Variants in SPON1 observed in about 807,000 individuals in gnomAD.
SPON1 encodes the protein spondin 1.
Under a neutral mutation model 111.7 loss-of-function variants are expected in SPON1, and 52 were observed. That is an observed-to-expected ratio of 0.47 (90% CI 0.37 to 0.59). The LOEUF (loss-of-function observed/expected upper bound fraction) is 0.59, where lower values mean the gene tolerates loss of function less well. Ranked by LOEUF, SPON1 falls within the 20% of genes least tolerant of loss-of-function variation. The pLI, the probability that SPON1 is intolerant of heterozygous loss-of-function variation, is 0.00. For missense variants in SPON1, 957 were observed against 1,068.5 expected, an observed-to-expected ratio of 0.90 and a Z score of 1.46; for synonymous variants, 410 against 395.8, an observed-to-expected ratio of 1.04 and a Z score of -0.43.
intron 2 of SPON1, among the ~76,000 whole-genome samples, chr11:13,983,749 A>G (rs1848161875): frequency 1.3e-5 from 2 of 152,172 alleles, no homozygotes; most frequent in Admixed American, 1.3e-4. Flanking sequence ...ATTTGCTGTA[A>G]TTACTTCTCA....
At chr11:14,201,376 C>T (rs1379970093) in intron 6 of SPON1, among the ~76,000 whole-genome samples, 7 of 151,778 alleles carry the variant, frequency 4.6e-5, no homozygotes, top group Admixed American at 3.3e-4. Flanking sequence ...AAAAAACTAC[C>T]AACTTCATAG....
chr11:14,260,753 G>A lies in SPON1; in HGVS notation c.1996+1G>A, dbSNP rs782554437. The A allele has an allele frequency of 8.7e-6, 14 of 1,612,606 alleles. No homozygotes were observed. The highest frequency in any genetic ancestry group is 6.7e-5 in the Admixed American group (4 of 59,936). The stretch of plus-strand genomic sequence containing the variant: ...GAGAAGTGCATGCTCCCTGAATGCC[G>A]TAAGTCCTGGAGCTCCTCAAGGCCC... On this transcript the variant is annotated splice_donor_variant, in intron 14 of 15. Coordinates refer to ENST00000576479, the MANE Select transcript of SPON1 (RefSeq NM_006108.4). LOFTEE classifies it high-confidence loss of function.
At chr11:14,073,976 T>A (rs958865598) in intron 3 of SPON1, among the ~76,000 whole-genome samples, 1 of 152,172 alleles carries the variant, frequency 6.6e-6, no homozygotes, top group Non-Finnish European at 1.5e-5. Context: ...AGCCTGCCCC[T>A]TCCCCTCCAC....
chr11:14,129,175 T>G (rs1309184916), intron 5 of SPON1, among the ~76,000 whole-genome samples: 1 of 143,072 alleles, frequency 7.0e-6, no homozygotes, highest in African/African-American at 2.9e-5. Flanking sequence ...CCAGAAAATG[T>G]TTTTTTTTTC....
intron 2 of SPON1, among the ~76,000 whole-genome samples, chr11:14,025,942 C>G (rs1026769104): frequency 2.0e-5 from 3 of 152,174 alleles, no homozygotes; most frequent in Non-Finnish European, 2.9e-5. Flanking sequence ...CACTCCCTTC[C>G]TGTTATGTTC....
intron 2 of SPON1, among the ~76,000 whole-genome samples, chr11:14,040,892 G>A (rs1246197281): frequency 1.3e-5 from 2 of 152,062 alleles, no homozygotes; most frequent in African/African-American, 4.8e-5. Context: ...ACCACAGGAG[G>A]CCCAGAAGCA....
intron 5 of SPON1, among the ~76,000 whole-genome samples, chr11:14,091,801 TC>T (rs1554923428): frequency 1.3e-5 from 2 of 152,160 alleles, no homozygotes; most frequent in Non-Finnish European, 2.9e-5. Context: ...GCTGAAGGGC[TC>T]CTCAAATGCC....
At position 14,259,981 on chromosome 11, in the gene SPON1, G is replaced by C. The variant is rs1362981739; in HGVS notation, c.1831+280G>C. Among the ~76,000 whole-genome samples the C allele has an allele frequency of 6.6e-6, 1 of 152,172 alleles. No individual in the cohort carries two copies. The highest frequency in any genetic ancestry group is 1.5e-5 in the Non-Finnish European group (1 of 68,028). On this transcript the variant is annotated intron_variant, in intron 13 of 15. Transcript: ENST00000576479. This position sits in a 1 kb window ranked among gnomAD's most constrained non-coding sequence, Gnocchi z 5.0. ...AATTCACCTGCAGCTGTGTTTTATAGGAGTGTCTTTCTTGCAGTGGTGGGG... is the reference window on the plus strand; with the variant it reads ...AATTCACCTGCAGCTGTGTTTTATACGAGTGTCTTTCTTGCAGTGGTGGGG...
chr11:14,162,373 C>T (rs1304261532), intron 6 of SPON1, among the ~76,000 whole-genome samples: 1 of 152,040 alleles, frequency 6.6e-6, no homozygotes, highest in African/African-American at 2.4e-5. Context: ...TGTGTTAAAG[C>T]AGGGAATTTA....
chr11:13,992,995 A>T (rs1848243158), intron 2 of SPON1, among the ~76,000 whole-genome samples: 1 of 152,050 alleles, frequency 6.6e-6, no homozygotes, highest in African/African-American at 2.4e-5. Flanking sequence ...AGCTGTTCCT[A>T]TTCAGCCATC....
Position 14,259,520 on chromosome 11 carries a change from G to A in SPON1, c.1664-14G>A, listed in dbSNP as rs1365145437. The A allele has an allele frequency of 3.9e-6, 6 of 1,558,256 alleles. No homozygotes were observed. The highest frequency in any genetic ancestry group is 1.7e-4 in the Middle Eastern group (1 of 6,006). Reference sequence around the variant, plus strand: ...AGGCAGCAGGTGCGACTCCAATGCCGCTGGCCTCCCCAGCTCCCAGCAGCT... The same window carrying A: ...AGGCAGCAGGTGCGACTCCAATGCCACTGGCCTCCCCAGCTCCCAGCAGCT... On this transcript the variant is annotated splice_polypyrimidine_tract_variant and intron_variant, in intron 12 of 15. Transcript: ENST00000576479. The surrounding 1 kb of genome is among the most constrained non-coding windows in gnomAD (Gnocchi z 5.0).
At chr11:14,091,232 T>G (rs1849053094) in intron 5 of SPON1, among the ~76,000 whole-genome samples, 1 of 152,188 alleles carries the variant, frequency 6.6e-6, no homozygotes. Flanking sequence ...ACTCTCCACG[T>G]CCCCACCAGA....
chr11:14,032,231 A>T (rs1419093295), intron 2 of SPON1, among the ~76,000 whole-genome samples: 1 of 152,226 alleles, frequency 6.6e-6, no homozygotes, highest in Non-Finnish European at 1.5e-5. Context: ...ATGTATATGT[A>T]TGCACAATCT....
intron 6 of SPON1, among the ~76,000 whole-genome samples, chr11:14,149,902 G>T (rs10766152): frequency 6.6e-5 from 10 of 151,836 alleles, no homozygotes; most frequent in African/African-American, 2.4e-4. Context: ...GCATATCCCC[G>T]TTGTTAAGTG....
chr11:14,073,541 C>A (rs1398075144), intron 3 of SPON1, among the ~76,000 whole-genome samples: 2 of 152,212 alleles, frequency 1.3e-5, no homozygotes, highest in African/African-American at 4.8e-5. Context: ...CTCCCTGTCT[C>A]CTCCCTTCCA....
chr11:14,042,544 C>T (rs574168426), intron 3 of SPON1, among the ~76,000 whole-genome samples: 1 of 152,118 alleles, frequency 6.6e-6, no homozygotes, highest in Middle Eastern at 3.4e-3. Flanking sequence ...GATTTCATAC[C>T]AGCAAATTAG....
intron 6 of SPON1, among the ~76,000 whole-genome samples, chr11:14,176,434 A>G (rs558513379): frequency 8.5e-5 from 13 of 152,274 alleles, no homozygotes; most frequent in Admixed American, 8.5e-4. Flanking sequence ...CAGGAGCCGA[A>G]CAGACACCCT....
chr11:13,984,481 G>C (rs1159934162), intron 2 of SPON1, among the ~76,000 whole-genome samples: 1 of 152,124 alleles, frequency 6.6e-6, no homozygotes, highest in African/African-American at 2.4e-5. Context: ...AAGGCAGAAG[G>C]GTAAGAGAAG....
chr11:14,181,366 C>A (rs546800976), intron 6 of SPON1, among the ~76,000 whole-genome samples: 4 of 152,254 alleles, frequency 2.6e-5, no homozygotes, highest in African/African-American at 9.6e-5. Flanking sequence ...TCTGACAGTG[C>A]AGATTCCACT....
Sources: gnomAD v4.1 joint callset for allele counts (sites outside exome capture counted in the v4.1 genomes callset) on GRCh38, gnomAD v4.1.1 for gene constraint, Gnocchi (gnomAD v3.1) non-coding constraint, MANE v1.5 for transcripts, NCBI Gene and HGNC (gene_info 2026-07-23, HGNC 2026-07-21) for gene names.